Variants in OSBPL10 observed in about 807,000 individuals in gnomAD.
OSBPL10 encodes the protein oxysterol-binding protein-related protein 10.
A neutral mutation model predicts 81.7 loss-of-function variants in OSBPL10; 49 were observed. The ratio of observed to expected loss-of-function variants is 0.60; its 90% CI spans 0.48 to 0.76. The LOEUF (loss-of-function observed/expected upper bound fraction) is 0.76, where lower values mean the gene tolerates loss of function less well. Ranked by LOEUF, OSBPL10 falls within the 30% of genes least tolerant of loss-of-function variation. The pLI is 0.00. For missense variants in OSBPL10, 923 were observed against 987.8 expected (o/e 0.93, Z 0.88); for synonymous variants, 419 against 383.6 (o/e 1.09, Z -1.08).
chr3:31,876,123 A>G (rs1163135937), intron 3 of OSBPL10, among the ~76,000 whole-genome samples: 1 of 152,136 alleles, frequency 6.6e-6, no homozygotes, highest in Non-Finnish European at 1.5e-5. Context: ...CTCCATCTCC[A>G]CAATGAAATC....
Position 31,783,146 on chromosome 3 carries a change from T to TATATATATATATATATACAC in OSBPL10, c.730-35027_730-35026insGTGTATATATATATATATAT, listed in dbSNP as rs1485968747. Among the ~76,000 whole-genome samples the TATATATATATATATATACAC allele has an allele frequency of 3.5e-4, 39 of 112,904 alleles. 1 individual carries two copies. The highest frequency in any genetic ancestry group is 1.2e-3 in the African/African-American group (32 of 25,948). The allele number at this position is 112,904 out of a possible 152,430, so 74.1% of individuals were successfully genotyped here. A position where few individuals can be genotyped will look rare whatever the true frequency, so the allele number is the denominator to read the frequency against. On this transcript the variant is annotated intron_variant, in intron 4 of 11. Coordinates refer to ENST00000396556, the MANE Select transcript of OSBPL10 (RefSeq NM_017784.5). ...ATATATATATATATATATATATATA[T>TATATATATATATATATACAC]ACACACACACCATAGAATACTACTC...
intron 1 of OSBPL10, among the ~76,000 whole-genome samples, chr3:31,979,719 A>C (rs2125503717): frequency 6.6e-6 from 1 of 151,850 alleles, no homozygotes; most frequent in Middle Eastern, 3.4e-3. Context: ...TTGAAAAAAA[A>C]AACAAAAACA....
intron 3 of OSBPL10, among the ~76,000 whole-genome samples, chr3:31,841,383 A>T (rs890767535): frequency 6.6e-6 from 1 of 152,322 alleles, no homozygotes; most frequent in East Asian, 1.9e-4. Flanking sequence ...TCACTCTCAG[A>T]TCTCTCCATT....
chr3:31,764,890 A>G (rs1212618984), intron 4 of OSBPL10, among the ~76,000 whole-genome samples: 1 of 152,154 alleles, frequency 6.6e-6, no homozygotes, highest in Non-Finnish European at 1.5e-5. Context: ...TCTCCTAGTC[A>G]ATTTTTATTC....
chr3:31,852,872 C>T (rs1464899756), intron 3 of OSBPL10, among the ~76,000 whole-genome samples: 1 of 152,128 alleles, frequency 6.6e-6, no homozygotes, highest in Non-Finnish European at 1.5e-5. Flanking sequence ...AGCCACCACG[C>T]CTGGCTATTC....
chr3:31,727,319 C>T (rs566732311), intron 6 of OSBPL10, among the ~76,000 whole-genome samples: 2 of 151,422 alleles, frequency 1.3e-5, no homozygotes, highest in Non-Finnish European at 2.9e-5. Context: ...AACAACCACT[C>T]GAGTTTGAGG....
chr3:31,871,981 C>G (rs1701340215), intron 3 of OSBPL10, among the ~76,000 whole-genome samples: 1 of 152,210 alleles, frequency 6.6e-6, no homozygotes, highest in Non-Finnish European at 1.5e-5. Flanking sequence ...CTTTATGACT[C>G]TCTCTCAACA....
chr3:31,769,828 C>T (rs1310335429), intron 4 of OSBPL10, among the ~76,000 whole-genome samples: 4 of 151,960 alleles, frequency 2.6e-5, no homozygotes, highest in Admixed American at 6.6e-5. Flanking sequence ...TTAACTCCAG[C>T]CAAGAGCAAA....
chr3:31,952,273 T>G (rs571225716), intron 1 of OSBPL10, among the ~76,000 whole-genome samples: 1 of 151,788 alleles, frequency 6.6e-6, no homozygotes, highest in African/African-American at 2.4e-5. Flanking sequence ...ACTATTCAAG[T>G]GATAAATTCA....
At chr3:31,852,321 G>A (rs989851273) in intron 3 of OSBPL10, among the ~76,000 whole-genome samples, 1 of 152,090 alleles carries the variant, frequency 6.6e-6, no homozygotes, top group African/African-American at 2.4e-5. Context: ...GGGGAAGGAG[G>A]TACACTATCA....
intron 2 of OSBPL10, among the ~76,000 whole-genome samples, chr3:31,877,250 T>C (rs964051640): frequency 3.9e-5 from 6 of 152,188 alleles, no homozygotes; most frequent in African/African-American, 1.4e-4. Context: ...CAGGGCTGTA[T>C]TGTGGTGTTA....
At chr3:31,693,972 G>A (rs1190346913) in intron 7 of OSBPL10, among the ~76,000 whole-genome samples, 1 of 152,122 alleles carries the variant, frequency 6.6e-6, no homozygotes, top group Admixed American at 6.5e-5. Context: ...GTCTTGCTAT[G>A]TTGCTCAGGC....
intron 6 of OSBPL10, among the ~76,000 whole-genome samples, chr3:31,729,495 C>T (rs897987500): frequency 1.8e-4 from 27 of 152,296 alleles, no homozygotes; most frequent in African/African-American, 6.3e-4. Flanking sequence ...AATCTCGGCT[C>T]ACTGCAACCT....
intron 1 of OSBPL10, among the ~76,000 whole-genome samples, chr3:31,913,528 G>A (rs1012253838): frequency 2.1e-4 from 32 of 152,254 alleles, no homozygotes; most frequent in Non-Finnish European, 2.4e-4. Flanking sequence ...GATTACAGGC[G>A]TGAGCCACCA....
At chr3:31,903,591 A>T (rs533585223) in intron 1 of OSBPL10, among the ~76,000 whole-genome samples, 4 of 152,160 alleles carry the variant, frequency 2.6e-5, no homozygotes, top group Non-Finnish European at 5.9e-5. Context: ...TCAGCCTCCC[A>T]AAGTGCTGGG....
intron 3 of OSBPL10, among the ~76,000 whole-genome samples, chr3:31,849,706 CAT>C: frequency 6.6e-6 from 1 of 152,254 alleles, no homozygotes; most frequent in Non-Finnish European, 1.5e-5. Flanking sequence ...ATGACAGATC[CAT>C]ATACATACAT....
chr3:31,687,527 G>A (rs537953488), intron 7 of OSBPL10, among the ~76,000 whole-genome samples: 5 of 152,054 alleles, frequency 3.3e-5, no homozygotes, highest in Non-Finnish European at 5.9e-5. Context: ...CCTGAGTCAC[G>A]GAATGTCAGA....
chr3:31,820,581 C>T (rs930593313), intron 4 of OSBPL10, among the ~76,000 whole-genome samples: 7 of 150,706 alleles, frequency 4.6e-5, no homozygotes, highest in South Asian at 2.1e-4. Context: ...GGAGGCAGAG[C>T]GAGACTCCAT....
At position 31,847,567 on chromosome 3, in the gene OSBPL10, T is replaced by C. The variant is rs536604288; in HGVS notation, c.538-17336A>G. 1.1e-4 allele frequency among the ~76,000 whole-genome samples: 16 copies of C among 152,188 alleles called. No individual in the cohort carries two copies. The Middle Eastern group carries it at 0.01, about 97-fold the overall frequency. On this transcript the variant is annotated intron_variant, in intron 3 of 11. Transcript: ENST00000396556. ...CCTTTCCTTAAACTATTCACCGGCA[T>C]TACCCCAATCCATATCTGTGTTGAC...
Sources: gnomAD v4.1 joint callset for allele counts (sites outside exome capture counted in the v4.1 genomes callset) on GRCh38, gnomAD v4.1.1 for gene constraint, MANE v1.5 for transcripts, NCBI Gene and HGNC (gene_info 2026-07-23, HGNC 2026-07-21) for gene names.